SLC37A1: variants seen among roughly 807,000 people sequenced by gnomAD.
SLC37A1 encodes the protein glucose-6-phosphate exchanger SLC37A1.
Under a neutral mutation model 75.3 loss-of-function variants are expected in SLC37A1, and 49 were observed. That is an observed-to-expected ratio of 0.65 (90% CI 0.52 to 0.83). The LOEUF (loss-of-function observed/expected upper bound fraction) is 0.83. Among genes scored for constraint, SLC37A1 ranks in the 40% least tolerant of loss-of-function variants. SLC37A1 has a pLI of 0.00. For synonymous variants in SLC37A1, 268 were observed against 292.1 expected (o/e 0.92, Z 0.84); for missense variants, 566 against 695.0 (o/e 0.81, Z 2.09).
chr21:42,565,827 C>T lies in SLC37A1; in HGVS notation c.1222C>T (p.Leu408Phe). The change falls in exon 15 of 20, where the codon CTC becomes TTC. Residue 408 changes from leucine to phenylalanine, a missense_variant and splice_region_variant. Leu to Phe is a conservative substitution (Grantham distance 22). Transcript: ENST00000352133. Reference sequence around the variant, plus strand: ...TGACCTTGTGTCTTGATGTCCACAGCTCTACATCTTCTCCACCGTCAGCAA... The same window carrying T: ...TGACCTTGTGTCTTGATGTCCACAGTTCTACATCTTCTCCACCGTCAGCAA... ...GLMLLLAAPT[L>F]YIFSTVSKMG... 7 of 1,613,990 alleles carry T rather than the reference C, an allele frequency of 4.3e-6. No individual in the cohort carries two copies. Among genetic ancestry groups the T allele is most frequent in the Non-Finnish European group, 5.9e-6 (7 of 1,179,878 alleles).
Position 42,525,869 on chromosome 21 carries a change from G to C in SLC37A1, c.138+12G>C, listed in dbSNP as rs1467381920. 1.2e-5 allele frequency: 20 copies of C among 1,602,798 alleles called. No individual in the cohort carries two copies. The Admixed American group carries it at 3.3e-4, about 27-fold the overall frequency. On this transcript the variant is annotated intron_variant, in intron 3 of 19. Coordinates refer to ENST00000352133, the MANE Select transcript of SLC37A1 (RefSeq NM_001320537.2). ...TCAGCATAGTTAAGGTAAGAATCAT[G>C]GAAAGCACTGCCTGTCGTCTCTGTG...
In SLC37A1 at chr21:42,559,875, C is replaced by A. The variant is rs1200245364; in HGVS notation, c.981+786C>A. 4.3e-3 allele frequency among the ~76,000 whole-genome samples: 547 copies of A among 127,488 alleles called. 1 individual carries two copies. Among genetic ancestry groups the A allele is most frequent in the Admixed American group, 5.9e-3 (76 of 12,936 alleles). The allele number at this position is 127,488 out of a possible 152,430, so 83.6% of individuals were successfully genotyped here. On this transcript the variant is annotated intron_variant, in intron 11 of 19. Coordinates refer to ENST00000352133, the MANE Select transcript of SLC37A1 (RefSeq NM_001320537.2). The stretch of plus-strand genomic sequence containing the variant: ...TGGGTGACAGAGCAAGACTCTGTCT[C>A]AAAAAAAAAAAAAAACCCAAAAAGT...
chr21:42,560,040 T>G (rs2055790093), intron 11 of SLC37A1, among the ~76,000 whole-genome samples: 1 of 152,068 alleles, frequency 6.6e-6, no homozygotes, highest in Non-Finnish European at 1.5e-5. Context: ...ACCGGGCTGG[T>G]CCTCGGTGGT....
rs754385087 is a variant in SLC37A1 at position 42,548,148 on chromosome 21, C to T, written c.768+1008C>T. ...GTGGGGGTGCCCCCAGGCTGCCCTG[C>T]GGCCTCCTCTCTCCTTGTCTGCCCG... On this transcript the variant is annotated intron_variant, in intron 9 of 19. Transcript: ENST00000352133. This position sits in a 1 kb window ranked among gnomAD's most constrained non-coding sequence, Gnocchi z 5.6. Among the ~76,000 whole-genome samples, 2 of 152,158 alleles carry T rather than the reference C, an allele frequency of 1.3e-5. No homozygotes were observed. Among genetic ancestry groups the T allele is most frequent in the Non-Finnish European group, 2.9e-5 (2 of 68,004 alleles).
chr21:42,538,786 G>A (rs375136289), intron 5 of SLC37A1, among the ~76,000 whole-genome samples: 27 of 152,264 alleles, frequency 1.8e-4, no homozygotes, highest in Middle Eastern at 3.4e-3. Flanking sequence ...CACCCCCCTC[G>A]AGGCTGTTTT....
At chr21:42,554,235 AC>A in intron 10 of SLC37A1, 93 bp downstream of exon 10, 1 of 1,053,030 alleles carries the variant, frequency 9.5e-7, no homozygotes, top group South Asian at 1.5e-5. Context: ...TGCCTATGTG[AC>A]ATGTGTCACA....
intron 10 of SLC37A1, among the ~76,000 whole-genome samples, 190 bp from the exon 11 acceptor site, chr21:42,558,768 T>C (rs2055752265): frequency 6.6e-6 from 1 of 152,196 alleles, no homozygotes. Context: ...TACCTAGCCG[T>C]TCATGAAAAT....
intron 17 of SLC37A1, among the ~76,000 whole-genome samples, chr21:42,572,810 C>T (rs2056217667): frequency 6.6e-6 from 1 of 152,062 alleles, no homozygotes; most frequent in Non-Finnish European, 1.5e-5. Flanking sequence ...CTCCTCCAGG[C>T]TCCCTCCTGC....
In SLC37A1 at chr21:42,580,877, G is replaced by A. The variant is rs75367787; in HGVS notation, c.*517G>A. 265 of 166,986 alleles carry A rather than the reference G, an allele frequency of 1.6e-3. 2 individuals are homozygous for A. The East Asian group carries it at 0.038, about 24-fold the overall frequency. 10.3% of individuals were successfully genotyped at this position (166,986 alleles called of 1,614,324 possible). ...AGCGCCACACAACATCAAGAAGGCC[G>A]ACAACCAGGTTGGAAACCAAGACGG... On this transcript the variant is annotated 3_prime_UTR_variant, in exon 20 of 20. Coordinates refer to ENST00000352133, the MANE Select transcript of SLC37A1 (RefSeq NM_001320537.2).
intron 9 of SLC37A1, among the ~76,000 whole-genome samples, chr21:42,549,928 T>C (rs143132549): frequency 0.01 from 1,552 of 152,306 alleles, 20 homozygotes; most frequent in Non-Finnish European, 0.018. Context: ...TGTGTACCCA[T>C]TACCCAAGTT....
intron 9 of SLC37A1, among the ~76,000 whole-genome samples, chr21:42,553,593 A>C (rs968817282): frequency 6.6e-6 from 1 of 150,912 alleles, no homozygotes; most frequent in Non-Finnish European, 1.5e-5. Context: ...CAGTCCTTCC[A>C]CCTCCCTGCC....
chr21:42,524,955 T>C (rs1416319135), intron 2 of SLC37A1, among the ~76,000 whole-genome samples: 1 of 152,102 alleles, frequency 6.6e-6, no homozygotes, highest in African/African-American at 2.4e-5. Context: ...CCCGTGGACC[T>C]CTGGGGAGGG....
chr21:42,577,255 G>A (rs773303130), intron 18 of SLC37A1, among the ~76,000 whole-genome samples: 1 of 152,198 alleles, frequency 6.6e-6, no homozygotes, highest in Non-Finnish European at 1.5e-5. Flanking sequence ...AAGGAGTATT[G>A]ACCATATAAA....
At chr21:42,501,831 T>C (rs566902810) in intron 1 of SLC37A1, among the ~76,000 whole-genome samples, 2 of 152,224 alleles carry the variant, frequency 1.3e-5, no homozygotes, top group Non-Finnish European at 2.9e-5. Context: ...CTGGTTCTAG[T>C]TTTGATGCTG....
intron 10 of SLC37A1, among the ~76,000 whole-genome samples, chr21:42,557,898 T>G (rs1377321410): frequency 1.3e-5 from 2 of 152,216 alleles, no homozygotes; most frequent in Admixed American, 6.5e-5. Flanking sequence ...CTAGAAGCAT[T>G]TCTTTGTAAG....
At chr21:42,559,388 G>A (rs2055769553) in intron 11 of SLC37A1, among the ~76,000 whole-genome samples, 1 of 152,210 alleles carries the variant, frequency 6.6e-6, no homozygotes, top group Non-Finnish European at 1.5e-5. Flanking sequence ...GGAAAGCCTG[G>A]CACCCTGGGC....
chr21:42,543,430 C>T lies in SLC37A1; in HGVS notation c.564-6C>T, dbSNP rs778118176. On this transcript the variant is annotated splice_region_variant and splice_polypyrimidine_tract_variant and intron_variant, in intron 7 of 19. Coordinates refer to ENST00000352133, the MANE Select transcript of SLC37A1 (RefSeq NM_001320537.2). Reference sequence around the variant, plus strand: ...ATCTTCTGTCTTCTGTTTTGTTGTGCTGCAGGAGAGGTTTGATTATGGGGG... The same window carrying T: ...ATCTTCTGTCTTCTGTTTTGTTGTGTTGCAGGAGAGGTTTGATTATGGGGG... 1 of 1,614,158 alleles carries T rather than the reference C, an allele frequency of 6.2e-7. No homozygotes were observed. Among genetic ancestry groups the T allele is most frequent in the South Asian group, 1.1e-5 (1 of 91,078 alleles).
Position 42,543,707 on chromosome 21 carries a change from T to C in SLC37A1, c.730+105T>C, listed in dbSNP as rs1189992132. 6 of 1,168,722 alleles carry C rather than the reference T, an allele frequency of 5.1e-6. No homozygotes were observed. In the East Asian group the frequency reaches 1.5e-4, roughly 29 times the overall value. The allele number at this position is 1,168,722 out of a possible 1,614,324, so 72.4% of individuals were successfully genotyped here. The stretch of plus-strand genomic sequence containing the variant: ...GTGAGAGCTGCGTGGCCTAGCGCCC[T>C]GTTTGCCCGTGGCTGCCTCAGCGCT... On this transcript the variant is annotated intron_variant, in intron 8 of 19. Transcript: ENST00000352133.
chr21:42,545,947 C>T lies in SLC37A1; in HGVS notation c.731-1156C>T, dbSNP rs2055397530. On this transcript the variant is annotated intron_variant, in intron 8 of 19. Transcript: ENST00000352133. The surrounding 1 kb of genome is among the most constrained non-coding windows in gnomAD (Gnocchi z 4.0). ...TTGATAATAACCTTATCAACAAAACCCAGACAAGAGGTTTGATGCTGGCCT... is the reference window on the plus strand; with the variant it reads ...TTGATAATAACCTTATCAACAAAACTCAGACAAGAGGTTTGATGCTGGCCT... 6.6e-6 allele frequency among the ~76,000 whole-genome samples: 1 copy of T among 152,212 alleles called. No homozygotes were observed. Among genetic ancestry groups the T allele is most frequent in the Non-Finnish European group, 1.5e-5 (1 of 68,040 alleles).
Sources: gnomAD v4.1 joint callset for allele counts (sites outside exome capture counted in the v4.1 genomes callset) on GRCh38, gnomAD v4.1.1 for gene constraint, Gnocchi (gnomAD v3.1) non-coding constraint, MANE v1.5 for transcripts, NCBI Gene and HGNC (gene_info 2026-07-23, HGNC 2026-07-21) for gene names.